TYW1: variants seen among roughly 807,000 people sequenced by gnomAD.
TYW1 encodes tRNA-yW synthesizing protein 1 homolog.
A neutral mutation model predicts 96.2 loss-of-function variants in TYW1; 46 were observed. The ratio of observed to expected loss-of-function variants is 0.48; its 90% CI spans 0.38 to 0.61. The LOEUF (loss-of-function observed/expected upper bound fraction) is 0.61, where lower values mean the gene tolerates loss of function less well. Among genes scored for constraint, TYW1 ranks in the 20% least tolerant of loss-of-function variants. The pLI is 0.00. For synonymous variants in TYW1, 274 were observed against 323.0 expected (o/e 0.85, Z 1.63); for missense variants, 684 against 909.6 (o/e 0.75, Z 3.19).
chr7:67,017,757 C>G, intron 5 of TYW1, 96 bp from the exon 6 acceptor site: 1 of 1,502,250 alleles, frequency 6.7e-7, no homozygotes, highest in Admixed American at 2.2e-5. Context: ...AGCCCATGAC[C>G]AGGGGCCTCG....
chr7:67,088,578 T>A (rs1467100901), intron 11 of TYW1, among the ~76,000 whole-genome samples: 1 of 151,930 alleles, frequency 6.6e-6, no homozygotes, highest in African/African-American at 2.4e-5. Flanking sequence ...AAAAAGACCG[T>A]AAAGGGATAG....
intron 4 of TYW1, among the ~76,000 whole-genome samples, chr7:67,012,715 C>A (rs1463158628): frequency 6.6e-6 from 1 of 152,060 alleles, no homozygotes; most frequent in East Asian, 1.9e-4. Flanking sequence ...TCGCACCTGA[C>A]CTCCTGTAAT....
intron 15 of TYW1, among the ~76,000 whole-genome samples, chr7:67,227,974 T>C (rs1801620310): frequency 6.6e-6 from 1 of 152,210 alleles, no homozygotes; most frequent in Non-Finnish European, 1.5e-5. Context: ...AACTGTTAAA[T>C]CTGGAGGTGG....
chr7:67,037,179 A>G (rs1794864650), intron 7 of TYW1, among the ~76,000 whole-genome samples: 1 of 152,176 alleles, frequency 6.6e-6, no homozygotes, highest in South Asian at 2.1e-4. Context: ...AGCATAAAAT[A>G]TCAGATGTAG....
chr7:67,171,393 A>G (rs1339283787), intron 13 of TYW1, among the ~76,000 whole-genome samples: 8 of 151,878 alleles, frequency 5.3e-5, no homozygotes, highest in Admixed American at 3.9e-4. Context: ...CCTCTGTTCT[A>G]GTCTTTGTTT....
intron 15 of TYW1, among the ~76,000 whole-genome samples, chr7:67,203,525 G>T (rs762763608): frequency 6.6e-6 from 1 of 152,192 alleles, no homozygotes; most frequent in Non-Finnish European, 1.5e-5. Context: ...CATGTTAGCA[G>T]TTTGAGTGAA....
chr7:67,043,754 T>C (rs1463778405), intron 7 of TYW1, among the ~76,000 whole-genome samples: 3 of 152,198 alleles, frequency 2.0e-5, no homozygotes, highest in Non-Finnish European at 4.4e-5. Flanking sequence ...CCCCATGTTA[T>C]CTTGTTAAGG....
At chr7:67,119,946 C>T (rs1043857321) in intron 13 of TYW1, among the ~76,000 whole-genome samples, 9 of 144,026 alleles carry the variant, frequency 6.2e-5, no homozygotes, top group African/African-American at 2.3e-4. Context: ...ACTGCCATGC[C>T]TAGTTAATTT....
At chr7:67,064,619 G>A (rs963709625) in intron 9 of TYW1, among the ~76,000 whole-genome samples, 18 of 152,146 alleles carry the variant, frequency 1.2e-4, no homozygotes, top group Admixed American at 4.6e-4. Flanking sequence ...GGAAACCCCT[G>A]ATAAACCCAT....
chr7:67,109,273 C>CAAAAAAAAAAA (rs1203625487), intron 12 of TYW1, among the ~76,000 whole-genome samples: 1 of 49,094 alleles, frequency 2.0e-5, no homozygotes, highest in African/African-American at 7.5e-5. Flanking sequence ...GACTCCGTCT[C>CAAAAAAAAAAA]AAAAAAAAAA....
chr7:67,160,950 G>A (rs1339345004), intron 13 of TYW1, among the ~76,000 whole-genome samples: 2 of 152,114 alleles, frequency 1.3e-5, no homozygotes, highest in Non-Finnish European at 2.9e-5. Context: ...TCCCCAAGTG[G>A]ATAAATGATT....
At chr7:67,138,669 G>A (rs35856213) in intron 13 of TYW1, among the ~76,000 whole-genome samples, 33,700 of 151,720 alleles carry the variant, frequency 0.22, 3,814 homozygotes, top group South Asian at 0.29. Context: ...TCTACTGTCT[G>A]TCTCCATGAG....
At chr7:67,193,495 C>T (rs963950292) in intron 14 of TYW1, among the ~76,000 whole-genome samples, 1 of 152,134 alleles carries the variant, frequency 6.6e-6, no homozygotes, top group Non-Finnish European at 1.5e-5. Context: ...CGTGTTGGCT[C>T]ACATCTGTAA....
At chr7:67,140,624 G>A (rs983699992) in intron 13 of TYW1, among the ~76,000 whole-genome samples, 23 of 152,102 alleles carry the variant, frequency 1.5e-4, no homozygotes, top group Admixed American at 9.2e-4. Flanking sequence ...AAAAATTAGT[G>A]AAGAAGTAAG....
intron 12 of TYW1, among the ~76,000 whole-genome samples, chr7:67,106,140 G>C (rs1477348005): frequency 1.3e-5 from 2 of 151,980 alleles, no homozygotes; most frequent in Non-Finnish European, 2.9e-5. Context: ...CAGGTGATCC[G>C]CCCACCTTGG....
intron 15 of TYW1, among the ~76,000 whole-genome samples, chr7:67,211,893 T>A (rs1358830350): frequency 2.6e-5 from 4 of 152,224 alleles, no homozygotes; most frequent in African/African-American, 9.7e-5. Flanking sequence ...TTCAGCGAGA[T>A]TATTTCATAC....
intron 13 of TYW1, among the ~76,000 whole-genome samples, chr7:67,134,229 A>G (rs10234659): frequency 0.28 from 42,041 of 151,944 alleles, 6,664 homozygotes; most frequent in African/African-American, 0.44. Context: ...GGGCTAGGTG[A>G]AATAAACAAG....
chr7:67,141,524 A>T (rs1028791865), intron 13 of TYW1, among the ~76,000 whole-genome samples: 31 of 152,152 alleles, frequency 2.0e-4, no homozygotes, highest in Admixed American at 4.6e-4. Flanking sequence ...AAGTGTTCAG[A>T]CATTTTTACA....
intron 13 of TYW1, among the ~76,000 whole-genome samples, chr7:67,145,210 A>G (rs1798572644): frequency 7.2e-6 from 1 of 138,490 alleles, no homozygotes; most frequent in African/African-American, 2.8e-5. Context: ...GTGCAGTGGC[A>G]TGATCTTGGC....
Sources: allele counts gnomAD v4.1 joint callset (sites outside exome capture counted in the v4.1 genomes callset), GRCh38; gene constraint gnomAD v4.1.1; transcripts MANE v1.5; gene names NCBI Gene and HGNC (gene_info 2026-07-23, HGNC 2026-07-21).